Variants in PXMP2 observed in about 807,000 individuals in gnomAD.
PXMP2 encodes the protein peroxisomal membrane protein 2, also known as 22 kDa peroxisomal membrane protein.
PXMP2 carries 13 observed loss-of-function variants against 20.2 expected under a neutral mutation model. That is an observed-to-expected ratio of 0.64 (90% CI 0.42 to 1.02). The LOEUF is 1.02. Ranked by LOEUF, PXMP2 falls within the 50% of genes least tolerant of loss-of-function variation. The pLI is 0.00. For missense variants in PXMP2, 284 were observed against 251.8 expected (o/e 1.13, Z -0.87); for synonymous variants, 113 against 111.2 (o/e 1.02, Z -0.10).
In PXMP2 at chr12:132,701,246, G is replaced by A. The variant is rs576240160; in HGVS notation, c.400-4G>A. The A allele has an allele frequency of 6.2e-7, 1 of 1,613,624 alleles. No individual in the cohort carries two copies. Among genetic ancestry groups the A allele is most frequent in the South Asian group, 1.1e-5 (1 of 91,054 alleles). On this transcript the variant is annotated splice_region_variant and splice_polypyrimidine_tract_variant and intron_variant, in intron 3 of 4. Transcript: ENST00000317479. Reference sequence around the variant, plus strand: ...GTTCACCACCCGCCTTCCCTCCTTTGCAGGGGAAAGACGCCTCAGCCTTCG... The same window carrying A: ...GTTCACCACCCGCCTTCCCTCCTTTACAGGGGAAAGACGCCTCAGCCTTCG...
At chr12:132,704,251 G>A (rs574329648) in intron 4 of PXMP2, among the ~76,000 whole-genome samples, 3 of 152,230 alleles carry the variant, frequency 2.0e-5, no homozygotes, top group South Asian at 2.1e-4. Flanking sequence ...TCCGCTGTTC[G>A]TCAGCTGTGT....
At chr12:132,692,769 TTAGA>T (rs1361875902) in intron 2 of PXMP2, among the ~76,000 whole-genome samples, 23 of 114,560 alleles carry the variant, frequency 2.0e-4, no homozygotes, top group Admixed American at 3.3e-4. Context: ...CCTTAGCTAG[TTAGA>T]GAGCTCCCTT....
intron 2 of PXMP2, among the ~76,000 whole-genome samples, chr12:132,692,425 CCAGTTAGTTAGTGAGCGCCCTTAGCCAGT>C: frequency 1.0e-5 from 1 of 99,474 alleles, no homozygotes; most frequent in East Asian, 2.5e-4. Flanking sequence ...GCTCCCTTAG[CCAGTTAGTTAGTGAGCGCCCTTAGCCAGT>C]TAGTTAGTGA....
At chr12:132,702,898 C>G (rs2043450549) in intron 4 of PXMP2, among the ~76,000 whole-genome samples, 1 of 152,174 alleles carries the variant, frequency 6.6e-6, no homozygotes, top group African/African-American at 2.4e-5. Context: ...AGTGTGTGCA[C>G]ACTGCACACA....
Position 132,687,733 on chromosome 12 carries a change from G to A in PXMP2, c.63G>A (p.Ala21=), listed in dbSNP as rs1479982650. The A allele has an allele frequency of 4.9e-6, 6 of 1,217,704 alleles. No homozygotes were observed. The East Asian group carries it at 1.6e-4, about 33-fold the overall frequency. 75.4% of individuals were successfully genotyped at this position (1,217,704 alleles called of 1,614,324 possible). A position where few individuals can be genotyped will look rare whatever the true frequency, so the allele number is the denominator to read the frequency against. Residue 21 remains alanine, a synonymous_variant, in exon 1 of 5, where the codon GCG becomes GCA. Coordinates refer to ENST00000317479, the MANE Select transcript of PXMP2 (RefSeq NM_018663.3). ...GGCTCGGGGCGCTGCCGCGGCGGGC[G>A]CTCGCCCAGTACCTGCTCTTCCTGC... ...EAGLGALPRR[A]LAQYLLFLRL...
Position 132,696,156 on chromosome 12 carries a change from A to G in PXMP2, c.399+110A>G. 2 of 1,305,158 alleles carry G rather than the reference A, an allele frequency of 1.5e-6. No individual in the cohort carries two copies. The highest frequency in any genetic ancestry group is 2.1e-6 in the Non-Finnish European group (2 of 969,552). The allele number at this position is 1,305,158 out of a possible 1,614,324, so 80.8% of individuals were successfully genotyped here. On this transcript the variant is annotated intron_variant, in intron 3 of 4. Coordinates refer to ENST00000317479, the MANE Select transcript of PXMP2 (RefSeq NM_018663.3). The surrounding 1 kb of genome is among the most constrained non-coding windows in gnomAD (Gnocchi z 4.4). ...TCTGCAGATTTTTCACTCAAATTGA[A>G]ATTTTGCATTTTCTTTTATGAATAT...
At chr12:132,690,183 C>G in intron 1 of PXMP2, 80 bp from the exon 2 acceptor site, 1 of 1,113,636 alleles carries the variant, frequency 9.0e-7, no homozygotes, top group Non-Finnish European at 1.4e-6. Flanking sequence ...GGCCTCAGAA[C>G]GGCCCTGCTA....
At position 132,690,284 on chromosome 12, in the gene PXMP2, G is replaced by A. The variant is rs1472551796; in HGVS notation, c.144G>A (p.Gly48=). The A allele has an allele frequency of 6.2e-7, 1 of 1,613,882 alleles. No individual in the cohort carries two copies. Among genetic ancestry groups the A allele is most frequent in the Non-Finnish European group, 8.5e-7 (1 of 1,179,912 alleles). Residue 48 remains glycine (G), a synonymous_variant, in exon 2 of 5, where the codon GGG becomes GGA. Coordinates refer to ENST00000317479, the MANE Select transcript of PXMP2 (RefSeq NM_018663.3). ...AATSGILSAL[G]NFLAQMIEKK... is the part of the protein sequence containing the mutation. ...ACAGTGGCATTTTGTCAGCACTTGG[G>A]AACTTCCTGGCCCAGATGATTGAGA...
At position 132,690,306 on chromosome 12, in the gene PXMP2, GAGA is replaced by G; in HGVS notation, c.172_174del (p.Lys58del). 1 of 1,614,044 alleles carries G rather than the reference GAGA, an allele frequency of 6.2e-7. No individual in the cohort carries two copies. Among genetic ancestry groups the G allele is most frequent in the Non-Finnish European group, 8.5e-7 (1 of 1,179,980 alleles). On this transcript the variant is annotated inframe_deletion, in exon 2 of 5. Transcript: ENST00000317479. Reference sequence around the variant, plus strand: ...TGGGAACTTCCTGGCCCAGATGATTGAGAAGAAGCGGAAAAAAGAAAACTCTAG... The same window carrying G: ...TGGGAACTTCCTGGCCCAGATGATTGAGAAGCGGAAAAAAGAAAACTCTAG...
intron 3 of PXMP2, among the ~76,000 whole-genome samples, chr12:132,700,581 T>C (rs2043433599): frequency 6.6e-6 from 1 of 152,210 alleles, no homozygotes; most frequent in South Asian, 2.1e-4. Context: ...ATAACAGTCC[T>C]TTGTAGGATG....
Position 132,690,283 on chromosome 12 carries a change from G to C in PXMP2, c.143G>C (p.Gly48Ala). Residue 48 changes from glycine to alanine, a missense_variant, in exon 2 of 5, where the codon GGG becomes GCG. Physicochemically the swap from Gly to Ala is moderately conservative, Grantham distance 60. Transcript: ENST00000317479. The part of the protein sequence containing the change: ...AATSGILSAL[G>A]NFLAQMIEKK... ...CACAGTGGCATTTTGTCAGCACTTG[G>C]GAACTTCCTGGCCCAGATGATTGAG... 1 of 1,613,984 alleles carries C rather than the reference G, an allele frequency of 6.2e-7. No individual in the cohort carries two copies. Among genetic ancestry groups the C allele is most frequent in the Non-Finnish European group, 8.5e-7 (1 of 1,179,962 alleles).
At chr12:132,692,666 C>G (rs2043377644) in intron 2 of PXMP2, among the ~76,000 whole-genome samples, 2 of 142,712 alleles carry the variant, frequency 1.4e-5, no homozygotes, top group African/African-American at 5.5e-5. Context: ...AGTGAGCGCC[C>G]TTAGCCAGTT....
At chr12:132,697,368 T>A (rs2043416204) in intron 3 of PXMP2, among the ~76,000 whole-genome samples, 1 of 151,822 alleles carries the variant, frequency 6.6e-6, no homozygotes, top group South Asian at 2.1e-4. Flanking sequence ...TGTATTTCAG[T>A]ATTATTGGTT....
intron 2 of PXMP2, among the ~76,000 whole-genome samples, chr12:132,695,160 T>TA (rs1218844578): frequency 1.3e-5 from 2 of 149,948 alleles, no homozygotes; most frequent in African/African-American, 4.9e-5. Flanking sequence ...TGAGCGCCCT[T>TA]GACAGTTAGT....
chr12:132,694,990 C>G (rs201519710), intron 2 of PXMP2, among the ~76,000 whole-genome samples: 2 of 138,258 alleles, frequency 1.4e-5, no homozygotes, highest in African/African-American at 5.3e-5. Context: ...GCTCCCTTAG[C>G]CAGTTAGTTA....
At chr12:132,704,548 G>A (rs2043459648) in intron 4 of PXMP2, 71 bp from the exon 5 acceptor site, 1 of 1,215,188 alleles carries the variant, frequency 8.2e-7, no homozygotes, top group African/African-American at 1.6e-5. Context: ...AAATGAACTG[G>A]GTGACTGAGG....
At position 132,695,976 on chromosome 12, in the gene PXMP2, T is replaced by G; in HGVS notation, c.329T>G (p.Leu110Arg). Residue 110 changes from leucine (L) to arginine (R), a missense_variant, in exon 3 of 5, where the codon CTT becomes CGT. By Grantham distance (102) the Leu-to-Arg change is moderately radical. Transcript: ENST00000317479. ...GTCCCCCTGGCAGGGCTCAGGAGGC[T>G]TCTCCTGGACCGCCTCGTCTTTGCA... ...PEVPLAGLRRLLLDRLVFAPA... is the reference protein window; with the variant it reads ...PEVPLAGLRRRLLDRLVFAPA... The G allele has an allele frequency of 1.2e-6, 2 of 1,612,668 alleles. No homozygotes were observed. Among genetic ancestry groups the G allele is most frequent in the Non-Finnish European group, 8.5e-7 (1 of 1,179,366 alleles).
intron 4 of PXMP2, among the ~76,000 whole-genome samples, chr12:132,701,892 C>T (rs1291138608): frequency 1.3e-5 from 2 of 152,122 alleles, no homozygotes; most frequent in Admixed American, 6.6e-5. Context: ...GAGTTCGAGA[C>T]CAGCCTGGCC....
intron 2 of PXMP2, among the ~76,000 whole-genome samples, chr12:132,692,986 T>G (rs868078464): frequency 1.9e-4 from 14 of 72,080 alleles, no homozygotes; most frequent in Middle Eastern, 9.1e-3. Context: ...GTTAGTGAGC[T>G]CCCTTGCCAG....
Sources: allele counts gnomAD v4.1 joint callset (sites outside exome capture counted in the v4.1 genomes callset), GRCh38; gene constraint gnomAD v4.1.1; non-coding constraint Gnocchi (gnomAD v3.1); transcripts MANE v1.5; gene names NCBI Gene and HGNC (gene_info 2026-07-23, HGNC 2026-07-21).